The following BDH2 variants were observed in gnomAD, a reference collection of about 807,000 sequenced individuals.
BDH2 encodes 3-hydroxybutyrate dehydrogenase 2.
Under a neutral mutation model 33.2 loss-of-function variants are expected in BDH2, and 24 were observed. The observed-to-expected ratio is 0.72, with a 90% CI of 0.52 to 1.02. BDH2 has a LOEUF of 1.02. BDH2 is among the 50% of genes least tolerant of loss of function. The pLI is 0.00. For synonymous variants in BDH2, 81 were observed against 101.6 expected, an observed-to-expected ratio of 0.80 and a Z score of 1.22; for missense variants, 249 against 301.6, an observed-to-expected ratio of 0.83 and a Z score of 1.29.
intron 3 of BDH2, among the ~76,000 whole-genome samples, chr4:103,093,815 G>A (rs1312511664): frequency 6.7e-6 from 1 of 148,334 alleles, no homozygotes; most frequent in Admixed American, 6.8e-5. Context: ...TTATTTTGGG[G>A]GAATATAGAA....
At position 103,085,360 on chromosome 4, in the gene BDH2, C is replaced by G; in HGVS notation, c.521G>C (p.Cys174Ser). 1 of 1,610,034 alleles carries G rather than the reference C, an allele frequency of 6.2e-7. No homozygotes were observed. The highest frequency in any genetic ancestry group is 1.1e-5 in the South Asian group (1 of 90,462). The change falls in exon 7 of 10, where the codon TGT (cysteine) becomes TCT (serine). Residue 174 changes from cysteine to serine, a missense_variant. Cys to Ser is a moderately radical substitution (Grantham distance 112). Coordinates refer to ENST00000296424, the MANE Select transcript of BDH2 (RefSeq NM_020139.4). ...TGTGCCTTACTCACCTGGGCACACA[C>G]AGTTGCACCTGATGCCCTGCTGGAT... The part of the protein sequence containing the change: ...DFIQQGIRCN[C>S]VCPGTVDTPS...
At chr4:103,086,826 C>G (rs761553308) in intron 5 of BDH2, among the ~76,000 whole-genome samples, 1 of 152,168 alleles carries the variant, frequency 6.6e-6, no homozygotes, top group Non-Finnish European at 1.5e-5. Flanking sequence ...TGAATGCTGA[C>G]TTAAATGAAA....
At chr4:103,086,119 T>C in intron 6 of BDH2, 2 of 1,099,482 alleles carry the variant, frequency 1.8e-6, no homozygotes, top group Middle Eastern at 4.2e-4. Context: ...GCTGCCTTGC[T>C]CCTAGTTTTG....
Position 103,083,010 on chromosome 4 carries a change from A to G in BDH2, c.533-81T>C, listed in dbSNP as rs113315040. The G allele has an allele frequency of 3.2e-6, 4 of 1,249,480 alleles. No homozygotes were observed. The South Asian group carries it at 4.8e-5, about 15-fold the overall frequency. The allele number at this position is 1,249,480 out of a possible 1,614,324, so 77.4% of individuals were successfully genotyped here. ...GATAACTAAACTTCCTTTCCATATG[A>G]CAATCAGTGAGATTCTTCTCCTTGA... On this transcript the variant is annotated intron_variant, in intron 7 of 9. Coordinates refer to ENST00000296424, the MANE Select transcript of BDH2 (RefSeq NM_020139.4).
At position 103,079,438 on chromosome 4, in the gene BDH2, T is replaced by C. The variant is rs1411856804; in HGVS notation, c.*264A>G. The C allele has an allele frequency of 2.4e-6, 1 of 423,186 alleles. No homozygotes were observed. Among genetic ancestry groups the C allele is most frequent in the Non-Finnish European group, 4.3e-6 (1 of 233,262 alleles). The allele number at this position is 423,186 out of a possible 1,614,324, so 26.2% of individuals were successfully genotyped here. On this transcript the variant is annotated 3_prime_UTR_variant, in exon 10 of 10. Transcript: ENST00000296424. ...AGCCCAAAGTGACTAAGACAGATGC[T>C]AACAAATCGAGATTTATTTTAAAAA...
chr4:103,089,581 A>C (rs535301704), intron 5 of BDH2, among the ~76,000 whole-genome samples: 1 of 152,308 alleles, frequency 6.6e-6, no homozygotes, highest in South Asian at 2.1e-4. Flanking sequence ...AATTAACACA[A>C]GTTTACATTT....
chr4:103,085,273 G>T, intron 7 of BDH2, 76 bp downstream of exon 7: 1 of 1,132,874 alleles, frequency 8.8e-7, no homozygotes, highest in Non-Finnish European at 1.3e-6. Context: ...AACAGCCATA[G>T]GCAATAACAT....
intron 9 of BDH2, among the ~76,000 whole-genome samples, chr4:103,081,015 C>T (rs1747497290): frequency 6.6e-6 from 1 of 152,232 alleles, no homozygotes; most frequent in African/African-American, 2.4e-5. Context: ...CACCAAGTTA[C>T]TGGGAAGAGG....
chr4:103,086,520 G>A lies in BDH2; in HGVS notation c.378C>T (p.Gly126=). The part of the protein sequence containing the change: ...FLPKMLAQKS[G]NIINMSSVAS... ...CCACAGAAGACATGTTGATAATATTGCCAGATTTCTGAGCAAGCATCTGCC... is the reference window on the plus strand; with the variant it reads ...CCACAGAAGACATGTTGATAATATTACCAGATTTCTGAGCAAGCATCTGCC... The change falls in exon 6 of 10, where the codon GGC becomes GGT. Residue 126 remains glycine, a synonymous_variant. Coordinates refer to ENST00000296424, the MANE Select transcript of BDH2 (RefSeq NM_020139.4). 6.2e-7 allele frequency: 1 copy of A among 1,610,208 alleles called. No homozygotes were observed. Among genetic ancestry groups the A allele is most frequent in the Non-Finnish European group, 8.5e-7 (1 of 1,178,882 alleles).
At chr4:103,086,439 C>T (rs539180604) in intron 6 of BDH2, 41 bp downstream of exon 6, 17 of 1,599,732 alleles carry the variant, frequency 1.1e-5, no homozygotes, top group African/African-American at 5.4e-5. Context: ...TAATGATGTG[C>T]GTGTATGAGC....
At chr4:103,093,658 GT>G in intron 3 of BDH2, among the ~76,000 whole-genome samples, 1 of 145,574 alleles carries the variant, frequency 6.9e-6, no homozygotes, top group Admixed American at 6.9e-5. Context: ...ATAATATATA[GT>G]AATATAATTT....
At chr4:103,092,898 G>A (rs1056392866) in intron 3 of BDH2, among the ~76,000 whole-genome samples, 6 of 152,154 alleles carry the variant, frequency 3.9e-5, no homozygotes, top group South Asian at 2.1e-4. Flanking sequence ...TAACCCATCC[G>A]TCCCTCTTCC....
At position 103,079,601 on chromosome 4, in the gene BDH2, T is replaced by G. The variant is rs1747409717; in HGVS notation, c.*101A>C. The G allele has an allele frequency of 8.8e-7, 1 of 1,140,188 alleles. No homozygotes were observed. The highest frequency in any genetic ancestry group is 1.3e-6 in the Non-Finnish European group (1 of 762,248). 70.6% of individuals were successfully genotyped at this position (1,140,188 alleles called of 1,614,324 possible). On this transcript the variant is annotated 3_prime_UTR_variant, in exon 10 of 10. Transcript: ENST00000296424. ...TAAAAAGAGCTTATTTTCATTAACATGTGATTAACAGGAAGGAGATGATTG... is the reference window on the plus strand; with the variant it reads ...TAAAAAGAGCTTATTTTCATTAACAGGTGATTAACAGGAAGGAGATGATTG...
rs1388687421 is a variant in BDH2 at position 103,078,872 on chromosome 4, T to A, written c.*830A>T. 2.0e-5 allele frequency among the ~76,000 whole-genome samples: 3 copies of A among 152,118 alleles called. No individual in the cohort carries two copies. The highest frequency in any genetic ancestry group is 4.8e-5 in the African/African-American group (2 of 41,438). On this transcript the variant is annotated 3_prime_UTR_variant, in exon 10 of 10. Transcript: ENST00000296424. ...TTGGGCTCAAGTAATCCTCCTGCCTTAGCCTCTGTTAACCATGCTGGTCCT... is the reference window on the plus strand; with the variant it reads ...TTGGGCTCAAGTAATCCTCCTGCCTAAGCCTCTGTTAACCATGCTGGTCCT...
chr4:103,084,540 A>C (rs1425241282), intron 7 of BDH2, among the ~76,000 whole-genome samples: 1 of 152,220 alleles, frequency 6.6e-6, no homozygotes, highest in Non-Finnish European at 1.5e-5. Context: ...CACATTTTCC[A>C]AATCATTTTA....
In BDH2 at chr4:103,094,076, C is replaced by T. The variant is rs1748243507; in HGVS notation, c.151+1127G>A. Among the ~76,000 whole-genome samples, 4 of 152,058 alleles carry T rather than the reference C, an allele frequency of 2.6e-5. No individual in the cohort carries two copies. In the South Asian group the frequency reaches 6.2e-4, roughly 24 times the overall value. ...CTTTGGGTAAACTGCAATTAAAATCCTTTGGTGTTGGAGTTTGGTTCAGTG... is the reference window on the plus strand; with the variant it reads ...CTTTGGGTAAACTGCAATTAAAATCTTTTGGTGTTGGAGTTTGGTTCAGTG... On this transcript the variant is annotated intron_variant, in intron 3 of 9. Transcript: ENST00000296424.
intron 1 of BDH2, among the ~76,000 whole-genome samples, chr4:103,096,813 T>C (rs1175139110): frequency 6.6e-6 from 1 of 152,124 alleles, no homozygotes. Flanking sequence ...AGTGCTGAGA[T>C]TACAGGCCTG....
chr4:103,079,530 G>A lies in BDH2; in HGVS notation c.*172C>T. 1 of 613,904 alleles carries A rather than the reference G, an allele frequency of 1.6e-6. No individual in the cohort carries two copies. Among genetic ancestry groups the A allele is most frequent in the Non-Finnish European group, 2.9e-6 (1 of 348,328 alleles). 38.0% of individuals were successfully genotyped at this position (613,904 alleles called of 1,614,324 possible). On this transcript the variant is annotated 3_prime_UTR_variant, in exon 10 of 10. Coordinates refer to ENST00000296424, the MANE Select transcript of BDH2 (RefSeq NM_020139.4). ...ATGATTTCAGAAGAGATTACAAAGA[G>A]ATTAATATACTTAAAGAATCAGACT...
chr4:103,095,955 C>T (rs544576101), intron 2 of BDH2, among the ~76,000 whole-genome samples: 1 of 152,346 alleles, frequency 6.6e-6, no homozygotes, highest in Admixed American at 6.5e-5. Flanking sequence ...CAATGGTTAT[C>T]AGTGATGTCA....
Sources: gnomAD v4.1 joint callset for allele counts (sites outside exome capture counted in the v4.1 genomes callset) on GRCh38, gnomAD v4.1.1 for gene constraint, MANE v1.5 for transcripts, NCBI Gene and HGNC (gene_info 2026-07-23, HGNC 2026-07-21) for gene names.